Variants in SH2D4A observed in about 807,000 individuals in gnomAD.
SH2D4A encodes the protein SH2 domain containing 4A, also known as SH2 domain-containing protein 4A.
Under a neutral mutation model 64.7 loss-of-function variants are expected in SH2D4A, and 70 were observed. That is an observed-to-expected ratio of 1.08 (90% confidence interval 0.89 to 1.32). The LOEUF (loss-of-function observed/expected upper bound fraction) is 1.32, where lower values mean the gene tolerates loss of function less well. SH2D4A is among the 40% of genes most tolerant of loss of function. The pLI, the probability that SH2D4A is intolerant of heterozygous loss-of-function variation, is 0.00. For synonymous variants in SH2D4A, 268 were observed against 200.7 expected (o/e 1.34, Z -2.83); for missense variants, 706 against 540.1 (o/e 1.31, Z -3.04).
In SH2D4A at chr8:19,364,190, C is replaced by A. The variant is rs778841717; in HGVS notation, c.825C>A (p.Ser275Arg). The part of the protein sequence containing the change: ...QKGRGGERLQ[S>R]PLRVPQKPER... ...GAAGAGGCGGTGAGAGGCTGCAAAG[C>A]CCCTTGCGTGTTCCGCAGAAACCAG... Residue 275 changes from serine to arginine, a missense_variant, in exon 7 of 10, where the codon AGC becomes AGA. Physicochemically the swap from Ser to Arg is moderately radical, Grantham distance 110. Transcript: ENST00000265807. 8 of 1,614,150 alleles carry A rather than the reference C, an allele frequency of 5.0e-6. No individual in the cohort carries two copies. The highest frequency in any genetic ancestry group is 1.1e-5 in the South Asian group (1 of 91,090).
At chr8:19,316,140 G>A (rs1306438276) in intron 1 of SH2D4A, among the ~76,000 whole-genome samples, 2 of 152,160 alleles carry the variant, frequency 1.3e-5, no homozygotes, top group African/African-American at 4.8e-5. Flanking sequence ...ATTTACACCA[G>A]TACCATTCAG....
intron 8 of SH2D4A, among the ~76,000 whole-genome samples, chr8:19,382,591 A>G (rs941659862): frequency 6.6e-6 from 1 of 152,154 alleles, no homozygotes; most frequent in Non-Finnish European, 1.5e-5. Flanking sequence ...TAGGCAAATT[A>G]TGACGTTCTG....
chr8:19,353,849 C>A lies in SH2D4A; in HGVS notation c.514-3354C>A, dbSNP rs374547786. ...TAACCCTTTAGAATAATGGCAAAAT[C>A]TTGGTTCACCTTGAAAAGTAGAATT... On this transcript the variant is annotated intron_variant, in intron 4 of 9. Coordinates refer to ENST00000265807, the MANE Select transcript of SH2D4A (RefSeq NM_022071.4). 7.9e-5 allele frequency among the ~76,000 whole-genome samples: 12 copies of A among 151,980 alleles called. No individual in the cohort carries two copies. In the East Asian group the frequency reaches 1.7e-3, roughly 22 times the overall value.
chr8:19,336,098 G>A (rs138063700), intron 4 of SH2D4A, among the ~76,000 whole-genome samples: 16 of 152,280 alleles, frequency 1.1e-4, no homozygotes, highest in African/African-American at 3.1e-4. Flanking sequence ...ACACTGCTGA[G>A]TGTCTCATGT....
chr8:19,342,388 A>G (rs2117232948), intron 4 of SH2D4A, among the ~76,000 whole-genome samples: 1 of 152,358 alleles, frequency 6.6e-6, no homozygotes. Flanking sequence ...TCAGGTTAAT[A>G]GAATGCTGAG....
At chr8:19,334,048 G>A (rs1433827997) in intron 3 of SH2D4A, among the ~76,000 whole-genome samples, 4 of 152,148 alleles carry the variant, frequency 2.6e-5, no homozygotes, top group Non-Finnish European at 4.4e-5. Flanking sequence ...AAGGTAACTC[G>A]GAGGGAAACT....
intron 4 of SH2D4A, among the ~76,000 whole-genome samples, chr8:19,351,374 C>A (rs370809553): frequency 6.6e-6 from 1 of 152,052 alleles, no homozygotes; most frequent in East Asian, 1.9e-4. Context: ...GAGGCCGAGG[C>A]GGGTGGATCA....
At chr8:19,383,737 A>G (rs574354493) in intron 8 of SH2D4A, among the ~76,000 whole-genome samples, 2 of 152,098 alleles carry the variant, frequency 1.3e-5, no homozygotes, top group South Asian at 2.1e-4. Flanking sequence ...GTATCTTTAC[A>G]TGGCCATGAA....
chr8:19,394,456 T>C, intron 9 of SH2D4A, 94 bp from the exon 10 acceptor site: 2 of 797,270 alleles, frequency 2.5e-6, no homozygotes, highest in Non-Finnish European at 3.8e-6. Context: ...TTTGTGTAAA[T>C]CATGGGTAGG....
Position 19,395,437 on chromosome 8 carries a change from C to A in SH2D4A, c.*795C>A, listed in dbSNP as rs1043310085. ...TACTTGTGGTTGAATTGTGTTCCCC[C>A]AAAATATATGGTGAAGTCTTAACCC... On this transcript the variant is annotated 3_prime_UTR_variant, in exon 10 of 10. Transcript: ENST00000265807. The A allele has an allele frequency of 1.3e-5, 2 of 152,156 alleles. No homozygotes were observed. The highest frequency in any genetic ancestry group is 2.9e-5 in the Non-Finnish European group (2 of 68,062). 9.4% of individuals were successfully genotyped at this position (152,156 alleles called of 1,614,324 possible).
intron 8 of SH2D4A, among the ~76,000 whole-genome samples, chr8:19,392,166 G>A (rs974226742): frequency 1.1e-4 from 17 of 152,180 alleles, no homozygotes; most frequent in African/African-American, 3.9e-4. Context: ...GAGTAAGAGT[G>A]TGAATTCCTG....
chr8:19,337,685 G>A (rs917574470), intron 4 of SH2D4A, among the ~76,000 whole-genome samples: 1 of 152,142 alleles, frequency 6.6e-6, no homozygotes, highest in Non-Finnish European at 1.5e-5. Flanking sequence ...AAGGTGAAAG[G>A]CACGTCTAAC....
chr8:19,363,763 C>T, intron 6 of SH2D4A: 1 of 388,674 alleles, frequency 2.6e-6, no homozygotes, highest in Non-Finnish European at 4.8e-6. Flanking sequence ...GGGATCCTCA[C>T]TTGGTCTTGC....
At chr8:19,338,850 G>C (rs1459608251) in intron 4 of SH2D4A, among the ~76,000 whole-genome samples, 1 of 152,242 alleles carries the variant, frequency 6.6e-6, no homozygotes, top group Non-Finnish European at 1.5e-5. Flanking sequence ...TGATGAGTAA[G>C]TGAGGTATTG....
chr8:19,387,870 T>C (rs1029546209), intron 8 of SH2D4A, among the ~76,000 whole-genome samples: 6 of 152,218 alleles, frequency 3.9e-5, no homozygotes, highest in African/African-American at 1.2e-4. Context: ...TGGCACATAA[T>C]AAGCCCTAGT....
chr8:19,335,745 G>A (rs1170693942), intron 4 of SH2D4A, among the ~76,000 whole-genome samples: 1 of 152,200 alleles, frequency 6.6e-6, no homozygotes, highest in Non-Finnish European at 1.5e-5. Flanking sequence ...CTTGGGGACA[G>A]TTACCTCCCC....
chr8:19,355,042 A>C lies in SH2D4A; in HGVS notation c.514-2161A>C, dbSNP rs531275020. On this transcript the variant is annotated intron_variant, in intron 4 of 9. Coordinates refer to ENST00000265807, the MANE Select transcript of SH2D4A (RefSeq NM_022071.4). ...GCGAAGTATCCTTTTATAATATTAA[A>C]ATGAGAAAAAAATGAAAGTATGATA... Among the ~76,000 whole-genome samples the C allele has an allele frequency of 5.3e-5, 8 of 152,310 alleles. No individual in the cohort carries two copies. The South Asian group carries it at 1.7e-3, about 32-fold the overall frequency.
At chr8:19,377,512 C>T (rs2053215628) in intron 8 of SH2D4A, among the ~76,000 whole-genome samples, 1 of 152,248 alleles carries the variant, frequency 6.6e-6, no homozygotes, top group South Asian at 2.1e-4. Flanking sequence ...ATGCTGTAAA[C>T]ATATATATTG....
chr8:19,339,188 C>T (rs2052488826), intron 4 of SH2D4A, among the ~76,000 whole-genome samples: 1 of 152,220 alleles, frequency 6.6e-6, no homozygotes, highest in African/African-American at 2.4e-5. Context: ...GGGTGGAAGA[C>T]TCAGAAGGTC....
Sources: gnomAD v4.1 joint callset for allele counts (sites outside exome capture counted in the v4.1 genomes callset) on GRCh38, gnomAD v4.1.1 for gene constraint, MANE v1.5 for transcripts, NCBI Gene and HGNC (gene_info 2026-07-23, HGNC 2026-07-21) for gene names.